Variants in AP2A2 observed in about 807,000 individuals in gnomAD.
AP2A2 encodes AP-2 complex subunit alpha-2.
In AP2A2, 32 loss-of-function variants were observed where a neutral mutation model predicts 104.2. That is an observed-to-expected ratio of 0.31 (90% CI 0.23 to 0.41). AP2A2 has a LOEUF of 0.41. Among genes scored for constraint, AP2A2 ranks in the 10% least tolerant of loss-of-function variants. AP2A2 has a pLI of 1.00. For missense variants in AP2A2, 912 were observed against 1,261.0 expected (o/e 0.72, Z 4.19); for synonymous variants, 539 against 533.3 (o/e 1.01, Z -0.15).
intron 15 of AP2A2, among the ~76,000 whole-genome samples, chr11:1,002,290 G>A (rs372946217): frequency 1.2e-4 from 19 of 152,368 alleles, no homozygotes; most frequent in Middle Eastern, 3.4e-3. Context: ...GGGGTGCGGT[G>A]AGCACGTGGA....
chr11:962,725 T>C (rs1265020829), intron 2 of AP2A2, among the ~76,000 whole-genome samples: 1 of 151,892 alleles, frequency 6.6e-6, no homozygotes, highest in Non-Finnish European at 1.5e-5. Context: ...ACAGCAAGAC[T>C]CTGTCTCAAA....
chr11:972,263 C>G lies in AP2A2; in HGVS notation c.473+8C>G. 6.3e-7 allele frequency: 1 copy of G among 1,580,274 alleles called. No individual in the cohort carries two copies. The highest frequency in any genetic ancestry group is 1.1e-5 in the South Asian group (1 of 87,690). ...TAAGGTCCTCGTAGCCGGGTATGTG[C>G]CGGGCTCGTGCCGGGCTCCTGCTGA... On this transcript the variant is annotated splice_region_variant and intron_variant, in intron 4 of 21. Transcript: ENST00000448903.
At chr11:994,540 C>T (rs1320001976) in intron 14 of AP2A2, among the ~76,000 whole-genome samples, 9 of 147,670 alleles carry the variant, frequency 6.1e-5, no homozygotes, top group Non-Finnish European at 4.5e-5. Flanking sequence ...TGCTGGACGC[C>T]CCCCTGGCCT....
intron 2 of AP2A2, among the ~76,000 whole-genome samples, chr11:963,713 C>T (rs903405345): frequency 1.3e-5 from 2 of 152,214 alleles, no homozygotes; most frequent in African/African-American, 4.8e-5. Flanking sequence ...GCCTCAACCC[C>T]CCGGGCTCAA....
chr11:989,402 A>G (rs972765646), intron 10 of AP2A2, among the ~76,000 whole-genome samples: 1 of 151,790 alleles, frequency 6.6e-6, no homozygotes, highest in Non-Finnish European at 1.5e-5. Flanking sequence ...CAGTGGTGGC[A>G]CTGTAGCCCC....
At chr11:970,360 A>G (rs368012277) in intron 3 of AP2A2, 49 bp downstream of exon 3, 32 of 1,596,984 alleles carry the variant, frequency 2.0e-5, no homozygotes, top group Non-Finnish European at 2.1e-5. Context: ...TGGGCCTGGC[A>G]GGACTGAGGC....
chr11:1,001,118 T>C (rs1191653366), intron 15 of AP2A2, among the ~76,000 whole-genome samples: 1 of 152,220 alleles, frequency 6.6e-6, no homozygotes, highest in Non-Finnish European at 1.5e-5. Context: ...TGGTTCCCCC[T>C]GAGGGCAGCC....
chr11:975,007 C>T (rs1174381590), intron 4 of AP2A2, among the ~76,000 whole-genome samples: 3 of 152,090 alleles, frequency 2.0e-5, no homozygotes, highest in Non-Finnish European at 2.9e-5. Context: ...AAAACATGCT[C>T]GGGAAGGAGG....
At chr11:956,137 C>T (rs1412425330) in intron 1 of AP2A2, among the ~76,000 whole-genome samples, 1 of 152,148 alleles carries the variant, frequency 6.6e-6, no homozygotes, top group African/African-American at 2.4e-5. Context: ...CTCAGGAGAT[C>T]GAGACCAGCC....
intron 10 of AP2A2, among the ~76,000 whole-genome samples, chr11:989,433 C>T (rs1429377065): frequency 6.6e-6 from 1 of 152,162 alleles, no homozygotes; most frequent in Non-Finnish European, 1.5e-5. Flanking sequence ...GAGGCTCCAG[C>T]CGTCTGCGCT....
At chr11:947,856 A>G (rs1203162761) in intron 1 of AP2A2, among the ~76,000 whole-genome samples, 1 of 152,142 alleles carries the variant, frequency 6.6e-6, no homozygotes, top group African/African-American at 2.4e-5. Flanking sequence ...TACTTGGGAG[A>G]CTGAGACAGG....
In AP2A2 at chr11:1,010,977, C is replaced by A. The variant is rs1362421112; in HGVS notation, c.*352C>A. ...TCACTGAGATGGCCCGTGCTGCCGC[C>A]CACCCCGCCTCGGAGCCTCTGGGAG... On this transcript the variant is annotated 3_prime_UTR_variant, in exon 22 of 22. Transcript: ENST00000448903. 2 of 720,224 alleles carry A rather than the reference C, an allele frequency of 2.8e-6. No homozygotes were observed. The highest frequency in any genetic ancestry group is 5.1e-6 in the Non-Finnish European group (2 of 390,178). 44.6% of individuals were successfully genotyped at this position (720,224 alleles called of 1,614,324 possible).
chr11:1,009,047 G>A (rs780521696), intron 18 of AP2A2, 53 bp from the exon 19 acceptor site: 3 of 1,444,626 alleles, frequency 2.1e-6, no homozygotes, highest in Non-Finnish European at 2.9e-6. Flanking sequence ...CGGTCCCTGG[G>A]GCTCTCAGAG....
chr11:998,303 C>T (rs894537423), intron 14 of AP2A2, among the ~76,000 whole-genome samples: 2 of 151,880 alleles, frequency 1.3e-5, no homozygotes, highest in Non-Finnish European at 2.9e-5. Context: ...GACTGCCCCC[C>T]AATCCCCATT....
chr11:927,816 C>CAAAA (rs35472837), intron 1 of AP2A2, among the ~76,000 whole-genome samples: 64 of 68,142 alleles, frequency 9.4e-4, no homozygotes, highest in South Asian at 1.8e-3. Flanking sequence ...ACCTTTCTCA[C>CAAAA]AAAAAAAAAA....
intron 1 of AP2A2, among the ~76,000 whole-genome samples, chr11:941,322 C>T (rs1042159694): frequency 3.3e-4 from 50 of 152,268 alleles, no homozygotes; most frequent in African/African-American, 1.2e-3. Context: ...ATTGTGATAA[C>T]TCTATTGTCC....
chr11:999,505 C>A (rs1190644027), intron 14 of AP2A2, among the ~76,000 whole-genome samples: 5 of 151,978 alleles, frequency 3.3e-5, no homozygotes, highest in African/African-American at 9.7e-5. Flanking sequence ...TCAAAAAAAA[C>A]AAAAACAGAG....
chr11:973,611 G>A (rs1854908512), intron 4 of AP2A2, among the ~76,000 whole-genome samples: 1 of 152,020 alleles, frequency 6.6e-6, no homozygotes, highest in African/African-American at 2.4e-5. Flanking sequence ...ATAGGTGGCA[G>A]AGCATGTGGG....
Position 925,904 on chromosome 11 carries a change from T to G in AP2A2, c.-118T>G. The G allele has an allele frequency of 1.4e-6, 1 of 732,610 alleles. No individual in the cohort carries two copies. Among genetic ancestry groups the G allele is most frequent in the Non-Finnish European group, 1.9e-6 (1 of 520,816 alleles). 45.4% of individuals were successfully genotyped at this position (732,610 alleles called of 1,614,324 possible). ...CGCTGGGACCCTGAGGCGGCCGTGG[T>G]TAGGCGGCTCCCCGGCGGCTCCTCC... On this transcript the variant is annotated 5_prime_UTR_variant, in exon 1 of 22. Coordinates refer to ENST00000448903, the MANE Select transcript of AP2A2 (RefSeq NM_012305.4).
Sources: allele counts gnomAD v4.1 joint callset (sites outside exome capture counted in the v4.1 genomes callset), GRCh38; gene constraint gnomAD v4.1.1; transcripts MANE v1.5; gene names NCBI Gene and HGNC (gene_info 2026-07-23, HGNC 2026-07-21).